PCOLCE2: variants seen among roughly 807,000 people sequenced by gnomAD.
The protein encoded by PCOLCE2 is procollagen C-proteinase enhancer 2.
In PCOLCE2, 42 loss-of-function variants were observed where a neutral mutation model predicts 47.0. The observed-to-expected ratio is 0.89, with a 90% CI of 0.70 to 1.16. The LOEUF (loss-of-function observed/expected upper bound fraction) is 1.16. Among genes scored for constraint, PCOLCE2 ranks in the 50% most tolerant of loss-of-function variants. PCOLCE2 has a pLI of 0.00. For missense variants in PCOLCE2, 500 were observed against 526.1 expected, an observed-to-expected ratio of 0.95 and a Z score of 0.49; for synonymous variants, 169 against 191.7, an observed-to-expected ratio of 0.88 and a Z score of 0.98.
chr3:142,885,064 C>A (rs1933693383), intron 2 of PCOLCE2, among the ~76,000 whole-genome samples: 1 of 152,168 alleles, frequency 6.6e-6, no homozygotes, highest in Non-Finnish European at 1.5e-5. Context: ...ATCTAAATTT[C>A]CAATCTGCAG....
Position 142,827,199 on chromosome 3 carries a change from C to T in PCOLCE2, c.865+2493G>A, listed in dbSNP as rs566147785. The T allele has an allele frequency of 4.6e-4, 594 of 1,285,026 alleles. 3 individuals carry two copies. Among genetic ancestry groups the T allele is most frequent in the Non-Finnish European group, 5.6e-4 (503 of 890,868 alleles). The allele number at this position is 1,285,026 out of a possible 1,614,324, so 79.6% of individuals were successfully genotyped here. A position where few individuals can be genotyped will look rare whatever the true frequency, so the allele number is the denominator to read the frequency against. On this transcript the variant is annotated intron_variant, in intron 6 of 8. Transcript: ENST00000295992. Reference sequence around the variant, plus strand: ...GCCAGCAGGGTCATCTCTGAGATGGCGGAGGGGATGCCGATGTGCTGGTGG... The same window carrying T: ...GCCAGCAGGGTCATCTCTGAGATGGTGGAGGGGATGCCGATGTGCTGGTGG...
chr3:142,848,939 G>A (rs1183662834), intron 2 of PCOLCE2, among the ~76,000 whole-genome samples: 2 of 152,108 alleles, frequency 1.3e-5, no homozygotes, highest in Non-Finnish European at 2.9e-5. Flanking sequence ...GGATCACAAG[G>A]TCAGGAGATC....
At chr3:142,837,668 G>A (rs142639033) in intron 5 of PCOLCE2, among the ~76,000 whole-genome samples, 213 of 152,268 alleles carry the variant, frequency 1.4e-3, no homozygotes, top group African/African-American at 5.0e-3. Context: ...GTGAAGTTAT[G>A]AAATATCTTG....
At chr3:142,826,250 A>G (rs9850734) in intron 6 of PCOLCE2, among the ~76,000 whole-genome samples, 51,328 of 151,448 alleles carry the variant, frequency 0.34, 11,382 homozygotes, top group African/African-American at 0.64. Flanking sequence ...CTCATGATCC[A>G]CCCGCCTCGG....
At chr3:142,872,739 A>G (rs1455042886) in intron 2 of PCOLCE2, among the ~76,000 whole-genome samples, 1 of 152,214 alleles carries the variant, frequency 6.6e-6, no homozygotes, top group Non-Finnish European at 1.5e-5. Context: ...ACAAAGTGAC[A>G]ATGCCCGTTT....
intron 2 of PCOLCE2, among the ~76,000 whole-genome samples, chr3:142,868,091 T>A (rs1006863498): frequency 6.6e-6 from 1 of 152,164 alleles, no homozygotes; most frequent in Non-Finnish European, 1.5e-5. Flanking sequence ...ATAAAGGCCA[T>A]TCAATTTTTA....
intron 2 of PCOLCE2, among the ~76,000 whole-genome samples, chr3:142,874,381 T>C (rs1417758109): frequency 6.6e-6 from 1 of 152,150 alleles, no homozygotes; most frequent in Non-Finnish European, 1.5e-5. Flanking sequence ...GCCGAGCTGA[T>C]GGTTTTAAAT....
intron 2 of PCOLCE2, among the ~76,000 whole-genome samples, chr3:142,883,858 C>T (rs67536876): frequency 0.2 from 30,035 of 152,086 alleles, 3,284 homozygotes; most frequent in South Asian, 0.27. Flanking sequence ...AAGCTATTAA[C>T]GGAATGGTGA....
chr3:142,871,850 A>G (rs932061535), intron 2 of PCOLCE2, among the ~76,000 whole-genome samples: 3 of 152,210 alleles, frequency 2.0e-5, no homozygotes, highest in Non-Finnish European at 2.9e-5. Flanking sequence ...ATATACATAC[A>G]TATTTTTATA....
intron 2 of PCOLCE2, among the ~76,000 whole-genome samples, chr3:142,882,321 C>T (rs1028175389): frequency 7.2e-5 from 11 of 152,056 alleles, no homozygotes; most frequent in Admixed American, 3.3e-4. Flanking sequence ...ATTGGGATTA[C>T]AGGTGTGAGC....
intron 5 of PCOLCE2, among the ~76,000 whole-genome samples, chr3:142,833,651 T>C (rs551230628): frequency 1.3e-4 from 20 of 152,220 alleles, no homozygotes; most frequent in Admixed American, 4.6e-4. Context: ...GAGAACATTC[T>C]TGTATATGTC....
At chr3:142,819,844 A>T (rs1226417595) in intron 8 of PCOLCE2, among the ~76,000 whole-genome samples, 3 of 151,960 alleles carry the variant, frequency 2.0e-5, no homozygotes, top group Non-Finnish European at 4.4e-5. Context: ...CAGAGGTCTC[A>T]CTATGTTGCC....
At chr3:142,857,537 A>G (rs185776895) in intron 2 of PCOLCE2, among the ~76,000 whole-genome samples, 1 of 152,356 alleles carries the variant, frequency 6.6e-6, no homozygotes, top group Admixed American at 6.5e-5. Flanking sequence ...TAATATTTCT[A>G]AAGTCCTTAA....
At position 142,838,849 on chromosome 3, in the gene PCOLCE2, C is replaced by T. The variant is rs1281908625; in HGVS notation, c.631G>A (p.Asp211Asn). The stretch of plus-strand genomic sequence containing the variant: ...CCGCCATTAAACACAGCCACATAAT[C>T]ATATCGGCAGTAGTTATCTCGCTCC... ...DVERDNYCRY[D>N]YVAVFNGGEV... The change falls in exon 5 of 9, where the codon GAT (aspartate) becomes AAT (asparagine). Residue 211 changes from aspartate (D) to asparagine (N), a missense_variant. Transcript: ENST00000295992. 4.3e-6 allele frequency: 7 copies of T among 1,612,492 alleles called. No individual in the cohort carries two copies. In the East Asian group the frequency reaches 1.3e-4, roughly 31 times the overall value.
intron 2 of PCOLCE2, among the ~76,000 whole-genome samples, chr3:142,885,837 C>A (rs1245992326): frequency 6.6e-6 from 1 of 152,178 alleles, no homozygotes; most frequent in Non-Finnish European, 1.5e-5. Context: ...AACTCTCCAC[C>A]GTGGCCTACA....
chr3:142,883,759 TG>T (rs1242528106), intron 2 of PCOLCE2, among the ~76,000 whole-genome samples: 2 of 152,016 alleles, frequency 1.3e-5, no homozygotes, highest in Admixed American at 6.5e-5. Context: ...AATTCCATTA[TG>T]GGAATTATAA....
intron 7 of PCOLCE2, among the ~76,000 whole-genome samples, chr3:142,821,948 G>A (rs976809228): frequency 5.8e-4 from 88 of 151,780 alleles, no homozygotes; most frequent in African/African-American, 2.1e-3. Context: ...ATGGAGTTTC[G>A]CTCTTGTTGC....
In PCOLCE2 at chr3:142,838,781, A is replaced by G. The variant is rs779831214; in HGVS notation, c.699T>C (p.Asp233=). The part of the protein sequence containing the change: ...DARRIGKYCG[D]SPPAPIVSER... ...TAGGTGCTACTTACGCAGGTGGACTATCACCACAATACTTTCCAATTCTTC... is the reference window on the plus strand; with the variant it reads ...TAGGTGCTACTTACGCAGGTGGACTGTCACCACAATACTTTCCAATTCTTC... Residue 233 remains aspartate (D), a synonymous_variant, in exon 5 of 9, where the codon GAT becomes GAC. Transcript: ENST00000295992. 4.3e-6 allele frequency: 7 copies of G among 1,613,784 alleles called. No individual in the cohort carries two copies. In the South Asian group the frequency reaches 5.5e-5, roughly 13 times the overall value.
intron 6 of PCOLCE2, among the ~76,000 whole-genome samples, chr3:142,823,964 A>G (rs1298037732): frequency 2.0e-5 from 3 of 152,242 alleles, no homozygotes; most frequent in Non-Finnish European, 2.9e-5. Flanking sequence ...AACAAATTGG[A>G]ACTCACAGAA....
Sources: allele counts gnomAD v4.1 joint callset (sites outside exome capture counted in the v4.1 genomes callset), GRCh38; gene constraint gnomAD v4.1.1; transcripts MANE v1.5; gene names NCBI Gene and HGNC (gene_info 2026-07-23, HGNC 2026-07-21).